PYROXD1: variants seen among roughly 807,000 people sequenced by gnomAD.
PYROXD1 encodes the protein tRNA ligase complex-associated NAD(P)H dehydrogenase PYROXD1.
PYROXD1 carries 42 observed loss-of-function variants against 62.0 expected under a neutral mutation model. The ratio of observed to expected loss-of-function variants is 0.68; its 90% confidence interval spans 0.53 to 0.88. The LOEUF (loss-of-function observed/expected upper bound fraction) is 0.88. Ranked by LOEUF, PYROXD1 falls within the 40% of genes least tolerant of loss-of-function variation. The pLI is 0.00. For synonymous variants in PYROXD1, 170 were observed against 206.4 expected, an observed-to-expected ratio of 0.82 and a Z score of 1.51; for missense variants, 493 against 604.8, an observed-to-expected ratio of 0.82 and a Z score of 1.94.
In PYROXD1 at chr12:21,470,061, T is replaced by C; in HGVS notation, c.*1307T>C. On this transcript the variant is annotated 3_prime_UTR_variant, in exon 12 of 12. Transcript: ENST00000240651. The stretch of plus-strand genomic sequence containing the variant: ...TCTCAAAAGTTTAGATCTTCAGAGA[T>C]AAGCTCTGAAAATATAGATCCATAC... The C allele has an allele frequency of 3.1e-6, 2 of 647,766 alleles. No individual in the cohort carries two copies. The highest frequency in any genetic ancestry group is 4.9e-6 in the Non-Finnish European group (2 of 406,032). The allele number at this position is 647,766 out of a possible 1,614,324, so 40.1% of individuals were successfully genotyped here.
chr12:21,442,072 A>G (rs939120839), intron 2 of PYROXD1, among the ~76,000 whole-genome samples: 1 of 152,186 alleles, frequency 6.6e-6, no homozygotes, highest in African/African-American at 2.4e-5. Flanking sequence ...TTTCAATGTC[A>G]ATGGCTGCTA....
intron 7 of PYROXD1, among the ~76,000 whole-genome samples, chr12:21,460,380 T>C (rs1942671830): frequency 1.3e-5 from 2 of 151,572 alleles, no homozygotes. Flanking sequence ...TCCATAACTG[T>C]TGTCATTTTT....
At position 21,471,029 on chromosome 12, in the gene PYROXD1, C is replaced by T. The variant is rs370715202; in HGVS notation, c.*2275C>T. ...TAGTAATAGCATGTGCCTCATTGTTCAGAAGATTAGCTTTAGGTCCTATTT... is the reference window on the plus strand; with the variant it reads ...TAGTAATAGCATGTGCCTCATTGTTTAGAAGATTAGCTTTAGGTCCTATTT... On this transcript the variant is annotated 3_prime_UTR_variant, in exon 12 of 12. Coordinates refer to ENST00000240651, the MANE Select transcript of PYROXD1 (RefSeq NM_024854.5). 13 of 1,600,030 alleles carry T rather than the reference C, an allele frequency of 8.1e-6. No individual in the cohort carries two copies. Among genetic ancestry groups the T allele is most frequent in the African/African-American group, 1.4e-5 (1 of 73,834 alleles).
At chr12:21,465,188 A>ATATATGG (rs1409710975) in intron 10 of PYROXD1, among the ~76,000 whole-genome samples, 2 of 152,214 alleles carry the variant, frequency 1.3e-5, no homozygotes, top group African/African-American at 4.8e-5. Flanking sequence ...TATACGCAGT[A>ATATATGG]CTGGGATGGC....
intron 2 of PYROXD1, among the ~76,000 whole-genome samples, chr12:21,443,958 C>T (rs1410016242): frequency 1.3e-5 from 2 of 152,144 alleles, no homozygotes; most frequent in Non-Finnish European, 2.9e-5. Flanking sequence ...TATTTAATGA[C>T]AAGCTAAGAC....
In PYROXD1 at chr12:21,456,017, C is replaced by G; in HGVS notation, c.672C>G (p.Ser224Arg). Reference sequence around the variant, plus strand: ...TAGGAAGGAAAAAGGAAGCTAGAAGCAAATCTAAAGCAGATAATGTAGGAA... The same window carrying G: ...TAGGAAGGAAAAAGGAAGCTAGAAGGAAATCTAAAGCAGATAATGTAGGAA... Reference protein sequence around the residue: ...TTEGRKKEARSKSKADNVGSA... With the variant: ...TTEGRKKEARRKSKADNVGSA... Residue 224 changes from serine to arginine, a missense_variant, in exon 7 of 12, where the codon AGC (serine) becomes AGG (arginine). Ser to Arg is a moderately radical substitution (Grantham distance 110). This residue lies in a region of PYROXD1 where 329 missense variants were observed against 446.6 expected (regional missense o/e 0.74). Coordinates refer to ENST00000240651, the MANE Select transcript of PYROXD1 (RefSeq NM_024854.5). 1 of 1,608,292 alleles carries G rather than the reference C, an allele frequency of 6.2e-7. No homozygotes were observed. Among genetic ancestry groups the G allele is most frequent in the African/African-American group, 1.3e-5 (1 of 74,740 alleles).
chr12:21,454,572 T>C (rs1942560341), intron 5 of PYROXD1, among the ~76,000 whole-genome samples: 2 of 152,034 alleles, frequency 1.3e-5, no homozygotes, highest in South Asian at 4.1e-4. Flanking sequence ...GGCTTATATA[T>C]ACCATTTTCA....
chr12:21,447,067 A>G (rs560279347), intron 3 of PYROXD1, among the ~76,000 whole-genome samples: 28 of 152,358 alleles, frequency 1.8e-4, no homozygotes, highest in Middle Eastern at 3.4e-3. Flanking sequence ...TTACATGAGA[A>G]TGAAGAAGGC....
chr12:21,467,037 A>T (rs113537235), intron 10 of PYROXD1, among the ~76,000 whole-genome samples: 3,781 of 152,262 alleles, frequency 0.025, 66 homozygotes, highest in Middle Eastern at 0.061. Context: ...AGGCACCAAG[A>T]GTCTGTCTAA....
At chr12:21,467,200 T>C (rs1420911321) in intron 10 of PYROXD1, 1 of 249,860 alleles carries the variant, frequency 4.0e-6, no homozygotes, top group Non-Finnish European at 7.6e-6. Flanking sequence ...AACATTTTTC[T>C]CACCTGGTAT....
At position 21,469,929 on chromosome 12, in the gene PYROXD1, A is replaced by G; in HGVS notation, c.*1175A>G. On this transcript the variant is annotated 3_prime_UTR_variant, in exon 12 of 12. Coordinates refer to ENST00000240651, the MANE Select transcript of PYROXD1 (RefSeq NM_024854.5). ...GGCATAAAAAACTTAAGACGATTGT[A>G]TGAACTTATTCTCAAATATTTTACA... The G allele has an allele frequency of 3.0e-6, 1 of 336,116 alleles. No individual in the cohort carries two copies. Among genetic ancestry groups the G allele is most frequent in the South Asian group, 4.9e-5 (1 of 20,474 alleles). 20.8% of individuals were successfully genotyped at this position (336,116 alleles called of 1,614,324 possible).
intron 3 of PYROXD1, among the ~76,000 whole-genome samples, chr12:21,446,662 A>G (rs1319681513): frequency 1.3e-5 from 2 of 152,180 alleles, no homozygotes; most frequent in African/African-American, 2.4e-5. Flanking sequence ...TATAATCCCC[A>G]GCACTTTGTG....
chr12:21,462,104 T>G lies in PYROXD1; in HGVS notation c.977T>G (p.Phe326Cys). 1 of 1,608,900 alleles carries G rather than the reference T, an allele frequency of 6.2e-7. No individual in the cohort carries two copies. The highest frequency in any genetic ancestry group is 8.5e-7 in the Non-Finnish European group (1 of 1,175,660). Residue 326 changes from phenylalanine to cysteine, a missense_variant, in exon 9 of 12, where the codon TTT (phenylalanine) becomes TGT (cysteine). Physicochemically the swap from Phe to Cys is radical, Grantham distance 205. Transcript: ENST00000240651. ...ATGVTPNVEP[F>C]LHGNSFDLGE... Reference sequence around the variant, plus strand: ...GGAGTTACACCAAATGTAGAACCTTTTCTCCATGGTAACAGTGTAAGGTGA... The same window carrying G: ...GGAGTTACACCAAATGTAGAACCTTGTCTCCATGGTAACAGTGTAAGGTGA...
rs533186118 is a variant in PYROXD1 at position 21,470,933 on chromosome 12, T to A, written c.*2179T>A. The A allele has an allele frequency of 1.7e-5, 23 of 1,379,362 alleles. No homozygotes were observed. In the East Asian group the frequency reaches 5.3e-4, roughly 32 times the overall value. 85.4% of individuals were successfully genotyped at this position (1,379,362 alleles called of 1,614,324 possible). ...ATCCCATAGGCTTTAATATACTTTT[T>A]AAAATATATAAAACTGAAAATTAAT... On this transcript the variant is annotated 3_prime_UTR_variant, in exon 12 of 12. Coordinates refer to ENST00000240651, the MANE Select transcript of PYROXD1 (RefSeq NM_024854.5).
chr12:21,463,393 A>G (rs1382933526), intron 10 of PYROXD1, among the ~76,000 whole-genome samples: 3 of 152,142 alleles, frequency 2.0e-5, no homozygotes, highest in South Asian at 2.1e-4. Context: ...TGTGGTAATC[A>G]TTACTAAAAA....
chr12:21,447,601 G>T, intron 3 of PYROXD1: 1 of 169,242 alleles, frequency 5.9e-6, no homozygotes, highest in South Asian at 1.8e-4. Context: ...CTAGGAAGTT[G>T]GCAGCCATCA....
At chr12:21,450,788 A>G (rs1942482412) in intron 4 of PYROXD1, among the ~76,000 whole-genome samples, 1 of 152,232 alleles carries the variant, frequency 6.6e-6, no homozygotes, top group Admixed American at 6.5e-5. Flanking sequence ...AGTTCATATT[A>G]TCAGAGATTG....
intron 2 of PYROXD1, among the ~76,000 whole-genome samples, chr12:21,444,670 T>G (rs1024733): frequency 6.6e-6 from 1 of 151,676 alleles, no homozygotes; most frequent in African/African-American, 2.4e-5. Context: ...AAAGGGGTCA[T>G]GAGACCAAAA....
rs1359856624 is a variant in PYROXD1 at position 21,442,704 on chromosome 12, C to T, written c.165+2256C>T. 3.3e-5 allele frequency among the ~76,000 whole-genome samples: 5 copies of T among 152,158 alleles called. No individual in the cohort carries two copies. In the South Asian group the frequency reaches 6.2e-4, roughly 19 times the overall value. ...ACTTCTTTGTGGAGACAAGATATGCCGCCATGTCTCCCACTCTAGGGTTCC... is the reference window on the plus strand; with the variant it reads ...ACTTCTTTGTGGAGACAAGATATGCTGCCATGTCTCCCACTCTAGGGTTCC... On this transcript the variant is annotated intron_variant, in intron 2 of 11. Transcript: ENST00000240651.
Sources: allele counts gnomAD v4.1 joint callset (sites outside exome capture counted in the v4.1 genomes callset), GRCh38; gene constraint gnomAD v4.1.1; regional missense constraint gnomAD v4.1.1; transcripts MANE v1.5; gene names NCBI Gene and HGNC (gene_info 2026-07-23, HGNC 2026-07-21).